The following DPYSL2 variants were observed in gnomAD, a reference collection of about 807,000 sequenced individuals.
DPYSL2 encodes dihydropyrimidinase like 2.
In DPYSL2, 13 loss-of-function variants were observed where a neutral mutation model predicts 69.9. The ratio of observed to expected loss-of-function variants is 0.19; its 90% CI spans 0.12 to 0.30. The LOEUF is 0.30. DPYSL2 is among the 10% of genes least tolerant of loss of function. DPYSL2 has a pLI of 1.00. For synonymous variants in DPYSL2, 326 were observed against 359.1 expected, an observed-to-expected ratio of 0.91 and a Z score of 1.04; for missense variants, 587 against 918.9, an observed-to-expected ratio of 0.64 and a Z score of 4.67.
intron 1 of DPYSL2, among the ~76,000 whole-genome samples, chr8:26,542,629 G>C (rs1038576083): frequency 1.3e-5 from 2 of 152,130 alleles, no homozygotes; most frequent in Non-Finnish European, 2.9e-5. Flanking sequence ...GTCTCACTCT[G>C]TTTCTCAGGT....
chr8:26,577,722 C>G (rs1271614157), intron 1 of DPYSL2: 143 of 826,012 alleles, frequency 1.7e-4, no homozygotes, highest in Non-Finnish European at 1.9e-4. Flanking sequence ...GCGCGAAAGG[C>G]GCGCTCCCAG....
In DPYSL2 at chr8:26,582,786, G is replaced by A. The variant is rs1801518318; in HGVS notation, c.443+729G>A. On this transcript the variant is annotated intron_variant, in intron 2 of 13. Coordinates refer to ENST00000521913, the MANE Select transcript of DPYSL2 (RefSeq NM_001197293.3). The surrounding 1 kb of genome is among the most constrained non-coding windows in gnomAD (Gnocchi z 4.1). Reference sequence around the variant, plus strand: ...TGTTTGAAGACAAACACTGCAGCCAGTGACAGCTTTTAAATAAGCAGCATT... The same window carrying A: ...TGTTTGAAGACAAACACTGCAGCCAATGACAGCTTTTAAATAAGCAGCATT... Among the ~76,000 whole-genome samples, 1 of 152,214 alleles carries A rather than the reference G, an allele frequency of 6.6e-6. No homozygotes were observed. The highest frequency in any genetic ancestry group is 1.9e-4 in the East Asian group (1 of 5,202).
chr8:26,551,847 T>G (rs1800879431), intron 1 of DPYSL2, among the ~76,000 whole-genome samples: 1 of 152,210 alleles, frequency 6.6e-6, no homozygotes, highest in Non-Finnish European at 1.5e-5. Flanking sequence ...GAGGTCTTGC[T>G]CTATCTCTCA....
chr8:26,631,959 G>C (rs1373108209), intron 7 of DPYSL2, among the ~76,000 whole-genome samples: 1 of 152,236 alleles, frequency 6.6e-6, no homozygotes, highest in African/African-American at 2.4e-5. Flanking sequence ...TAGCTTCCCA[G>C]TCTACTTGGG....
rs1212138232 is a variant in DPYSL2 at position 26,650,777 on chromosome 8, GT to G, written c.1597-1478del. ...CTCGCAGGCCTCGACCTTGGCATTGGTTGCCAAGAGGGAAAAATGTCTCCCC... is the reference window on the plus strand; with the variant it reads ...CTCGCAGGCCTCGACCTTGGCATTGGTGCCAAGAGGGAAAAATGTCTCCCC... On this transcript the variant is annotated intron_variant, in intron 11 of 13. Transcript: ENST00000521913. The surrounding 1 kb of genome is among the most constrained non-coding windows in gnomAD (Gnocchi z 5.3). 6.6e-6 allele frequency among the ~76,000 whole-genome samples: 1 copy of G among 152,242 alleles called. No homozygotes were observed. Among genetic ancestry groups the G allele is most frequent in the East Asian group, 1.9e-4 (1 of 5,194 alleles).
At chr8:26,545,290 C>T (rs766709030) in intron 1 of DPYSL2, among the ~76,000 whole-genome samples, 3 of 152,118 alleles carry the variant, frequency 2.0e-5, no homozygotes, top group South Asian at 2.1e-4. Flanking sequence ...AAATTTAAGA[C>T]GTTCAAAATA....
At position 26,514,723 on chromosome 8, in the gene DPYSL2, G is replaced by T; in HGVS notation, c.354+44G>T. ...GGTGGAGACGGAGGACGGGGCGCGG[G>T]GATCGCCCCTCCCTCGCCCCTGAGC... On this transcript the variant is annotated intron_variant, in intron 1 of 13. Transcript: ENST00000521913. The surrounding 1 kb of genome is among the most constrained non-coding windows in gnomAD (Gnocchi z 8.4). 7.5e-7 allele frequency: 1 copy of T among 1,331,920 alleles called. No homozygotes were observed. The highest frequency in any genetic ancestry group is 9.7e-7 in the Non-Finnish European group (1 of 1,032,618). 82.5% of individuals were successfully genotyped at this position (1,331,920 alleles called of 1,614,324 possible).
chr8:26,559,056 C>T (rs370500573), intron 1 of DPYSL2, among the ~76,000 whole-genome samples: 1 of 152,182 alleles, frequency 6.6e-6, no homozygotes, highest in Non-Finnish European at 1.5e-5. Flanking sequence ...AATTCTCTGG[C>T]CTCAGCCTCT....
chr8:26,581,299 G>A (rs911568177), intron 1 of DPYSL2, among the ~76,000 whole-genome samples: 1 of 151,638 alleles, frequency 6.6e-6, no homozygotes, highest in African/African-American at 2.4e-5. Flanking sequence ...TTTCCTATAT[G>A]TAGGTGGTTT....
intron 1 of DPYSL2, chr8:26,577,954 G>GT (rs1801395074): frequency 1.6e-6 from 2 of 1,259,786 alleles, no homozygotes; most frequent in Non-Finnish European, 2.0e-6. Flanking sequence ...TATTGCTGTA[G>GT]TTTATTTCCA....
rs1802213995 is a variant in DPYSL2, at chr8:26,610,978, G to A, written c.629-13165G>A. On this transcript the variant is annotated intron_variant, in intron 3 of 13. Coordinates refer to ENST00000521913, the MANE Select transcript of DPYSL2 (RefSeq NM_001197293.3). This position sits in a 1 kb window ranked among gnomAD's most constrained non-coding sequence, Gnocchi z 4.5. ...TGTAGCTAGCCATGGTAGAGCTGGG[G>A]TGTAAACTCAGGCTTTCTGACTCCA... is the stretch of plus-strand genomic sequence containing the variant. Among the ~76,000 whole-genome samples the A allele has an allele frequency of 6.6e-6, 1 of 152,168 alleles. No homozygotes were observed. Among genetic ancestry groups the A allele is most frequent in the Non-Finnish European group, 1.5e-5 (1 of 68,028 alleles).
intron 1 of DPYSL2, among the ~76,000 whole-genome samples, chr8:26,519,047 G>A (rs986447379): frequency 2.6e-5 from 4 of 152,140 alleles, no homozygotes; most frequent in South Asian, 2.1e-4. Flanking sequence ...TCATTGGACC[G>A]CCAGTGACAA....
At position 26,648,966 on chromosome 8, in the gene DPYSL2, C is replaced by T. The variant is rs113176795; in HGVS notation, c.1596+1166C>T. 2.9e-3 allele frequency among the ~76,000 whole-genome samples: 436 copies of T among 152,344 alleles called. 4 individuals carry two copies. Among genetic ancestry groups the T allele is most frequent in the African/African-American group, 9.5e-3 (393 of 41,584 alleles). ...CAGCCTGGCAGCGCAGCCTTATGAT[C>T]GCGCCCCTTACAGCCCAGATCATGA... On this transcript the variant is annotated intron_variant, in intron 11 of 13. Transcript: ENST00000521913. The surrounding 1 kb of genome is among the most constrained non-coding windows in gnomAD (Gnocchi z 4.3).
At chr8:26,603,645 C>T (rs1216911518) in intron 3 of DPYSL2, among the ~76,000 whole-genome samples, 4 of 152,192 alleles carry the variant, frequency 2.6e-5, no homozygotes, top group Non-Finnish European at 4.4e-5. Context: ...TAAACTGTTG[C>T]CATTAAACAC....
In DPYSL2 at chr8:26,533,347, G is replaced by A. The variant is rs945689921; in HGVS notation, c.354+18668G>A. On this transcript the variant is annotated intron_variant, in intron 1 of 13. Transcript: ENST00000521913. This position sits in a 1 kb window ranked among gnomAD's most constrained non-coding sequence, Gnocchi z 4.8. ...TCACTTTCCTGATAGTGTCCTTGACGTATGAATGCTTTTAATTTTGACAAA... is the reference window on the plus strand; with the variant it reads ...TCACTTTCCTGATAGTGTCCTTGACATATGAATGCTTTTAATTTTGACAAA... 5.3e-5 allele frequency among the ~76,000 whole-genome samples: 8 copies of A among 152,066 alleles called. No individual in the cohort carries two copies. Among genetic ancestry groups the A allele is most frequent in the East Asian group, 1.9e-4 (1 of 5,192 alleles).
Position 26,643,377 on chromosome 8 carries a change from T to C in DPYSL2, c.1127-62T>C, listed in dbSNP as rs544510798. The C allele has an allele frequency of 1.3e-5, 20 of 1,514,028 alleles. No homozygotes were observed. In the East Asian group the frequency reaches 3.7e-4, roughly 28 times the overall value. The allele number at this position is 1,514,028 out of a possible 1,614,324, so 93.8% of individuals were successfully genotyped here. ...CTGCTGGGCAGGCAGTGGCTCCTCATAGGGGTGGTTCCCTTCCCCCTGCAT... is the reference window on the plus strand; with the variant it reads ...CTGCTGGGCAGGCAGTGGCTCCTCACAGGGGTGGTTCCCTTCCCCCTGCAT... On this transcript the variant is annotated intron_variant, in intron 8 of 13. Coordinates refer to ENST00000521913, the MANE Select transcript of DPYSL2 (RefSeq NM_001197293.3). This position sits in a 1 kb window ranked among gnomAD's most constrained non-coding sequence, Gnocchi z 6.5.
rs772851136 is a variant in DPYSL2, at chr8:26,626,573, G to T, written c.794-44G>T. 1 of 1,576,732 alleles carries T rather than the reference G, an allele frequency of 6.3e-7. No individual in the cohort carries two copies. The highest frequency in any genetic ancestry group is 8.7e-7 in the Non-Finnish European group (1 of 1,147,572). ...TTTCTTATCCCTTATTTGGTTATTT[G>T]GTTTATCTATTAAAAGTCCACTTCT... On this transcript the variant is annotated intron_variant, in intron 4 of 13. Transcript: ENST00000521913. This position sits in a 1 kb window ranked among gnomAD's most constrained non-coding sequence, Gnocchi z 4.3.
In DPYSL2 at chr8:26,643,145, A is replaced by C. The variant is rs2129969647; in HGVS notation, c.1127-294A>C. The C allele has an allele frequency of 3.1e-6, 1 of 319,930 alleles. No homozygotes were observed. The allele number at this position is 319,930 out of a possible 1,614,324, so 19.8% of individuals were successfully genotyped here. ...TCCGAGCAGGAGATTAATGGAATTG[A>C]AAATCAGCAACGTAGGAGACAGAAG... On this transcript the variant is annotated intron_variant, in intron 8 of 13. Coordinates refer to ENST00000521913, the MANE Select transcript of DPYSL2 (RefSeq NM_001197293.3). The surrounding 1 kb of genome is among the most constrained non-coding windows in gnomAD (Gnocchi z 6.5).
At chr8:26,532,737 A>G (rs760906398) in intron 1 of DPYSL2, among the ~76,000 whole-genome samples, 11 of 152,196 alleles carry the variant, frequency 7.2e-5, no homozygotes, top group Non-Finnish European at 1.2e-4. Flanking sequence ...ATTCCATTGT[A>G]TGGATATAAT....
Sources: gnomAD v4.1 joint callset for allele counts (sites outside exome capture counted in the v4.1 genomes callset) on GRCh38, gnomAD v4.1.1 for gene constraint, Gnocchi (gnomAD v3.1) non-coding constraint, MANE v1.5 for transcripts, NCBI Gene and HGNC (gene_info 2026-07-23, HGNC 2026-07-21) for gene names.